KLHL29: variants seen among roughly 807,000 people sequenced by gnomAD.
KLHL29 encodes kelch-like protein 29.
Under a neutral mutation model 80.4 loss-of-function variants are expected in KLHL29, and 21 were observed. The observed-to-expected ratio is 0.26, with a 90% CI of 0.19 to 0.38. The LOEUF is 0.38. KLHL29 is among the 10% of genes least tolerant of loss of function. KLHL29 has a pLI of 1.00. For missense variants in KLHL29, 867 were observed against 1,223.9 expected (o/e 0.71, Z 4.35); for synonymous variants, 511 against 526.8 (o/e 0.97, Z 0.41).
rs150566383 is a variant in KLHL29 at position 23,590,724 on chromosome 2, C to G, written c.285+28243C>G. Among the ~76,000 whole-genome samples, 4 of 152,282 alleles carry G rather than the reference C, an allele frequency of 2.6e-5. No homozygotes were observed. In the East Asian group the frequency reaches 7.7e-4, roughly 29 times the overall value. ...AGGGTCCCTAGCTCCCCTTCTGGAA[C>G]CCAATCCCCTACATGGCCCAGGACC... On this transcript the variant is annotated intron_variant, in intron 3 of 13. Transcript: ENST00000486442.
At chr2:23,635,314 T>C (rs1178290567) in intron 3 of KLHL29, among the ~76,000 whole-genome samples, 4 of 152,206 alleles carry the variant, frequency 2.6e-5, no homozygotes, top group Non-Finnish European at 4.4e-5. Context: ...GAATCTTTCA[T>C]TGCATACCAC....
intron 5 of KLHL29, among the ~76,000 whole-genome samples, chr2:23,657,401 C>T (rs1363193053): frequency 6.6e-6 from 1 of 152,218 alleles, no homozygotes; most frequent in Non-Finnish European, 1.5e-5. Flanking sequence ...TAAGAAAACA[C>T]AGTAGGCAAA....
chr2:23,642,857 C>T lies in KLHL29; in HGVS notation c.940+7C>T. 2 of 1,550,288 alleles carry T rather than the reference C, an allele frequency of 1.3e-6. No homozygotes were observed. Among genetic ancestry groups the T allele is most frequent in the East Asian group, 2.4e-5 (1 of 40,882 alleles). On this transcript the variant is annotated splice_region_variant and intron_variant, in intron 5 of 13. Coordinates refer to ENST00000486442, the MANE Select transcript of KLHL29 (RefSeq NM_052920.2). ...GACCCGGGGCACCCCAGAGGTAAGT[C>T]CTGCTGCCACGTGCCTCCCCACGGG...
At position 23,562,581 on chromosome 2, in the gene KLHL29, C is replaced by A; in HGVS notation, c.285+100C>A. The A allele has an allele frequency of 2.5e-6, 3 of 1,214,850 alleles. No homozygotes were observed. The highest frequency in any genetic ancestry group is 2.7e-5 in the Admixed American group (1 of 36,774). 75.3% of individuals were successfully genotyped at this position (1,214,850 alleles called of 1,614,324 possible). On this transcript the variant is annotated intron_variant, in intron 3 of 13. Coordinates refer to ENST00000486442, the MANE Select transcript of KLHL29 (RefSeq NM_052920.2). This position sits in a 1 kb window ranked among gnomAD's most constrained non-coding sequence, Gnocchi z 4.5. The stretch of plus-strand genomic sequence containing the variant: ...ACAGGCTCCTGTGGGGCAGCCTGTG[C>A]TCCACGCCCCGAGTCCTCCAGAGTC...
At chr2:23,560,532 G>T (rs1444366038) in intron 2 of KLHL29, among the ~76,000 whole-genome samples, 1 of 152,162 alleles carries the variant, frequency 6.6e-6, no homozygotes, top group Non-Finnish European at 1.5e-5. Context: ...GCCTCCCAAA[G>T]TGCTAGGATT....
intron 3 of KLHL29, among the ~76,000 whole-genome samples, chr2:23,605,809 G>A (rs925689268): frequency 1.3e-4 from 20 of 149,910 alleles, no homozygotes; most frequent in South Asian, 4.2e-4. Context: ...TCACTCTGTC[G>A]CCCAGGCTGG....
intron 5 of KLHL29, among the ~76,000 whole-genome samples, chr2:23,654,462 A>G (rs1309186761): frequency 2.6e-5 from 4 of 152,204 alleles, no homozygotes; most frequent in Non-Finnish European, 5.9e-5. Context: ...AATAATTTCT[A>G]TATTTTCAGT....
At chr2:23,528,484 C>T (rs1246499970) in intron 2 of KLHL29, among the ~76,000 whole-genome samples, 1 of 152,178 alleles carries the variant, frequency 6.6e-6, no homozygotes, top group Non-Finnish European at 1.5e-5. Context: ...GTGGACCCTG[C>T]AGCCCTTATA....
At chr2:23,397,295 C>T (rs1308790703) in intron 1 of KLHL29, among the ~76,000 whole-genome samples, 1 of 152,246 alleles carries the variant, frequency 6.6e-6, no homozygotes, top group Non-Finnish European at 1.5e-5. Flanking sequence ...ACAGGCTCTC[C>T]CTCACATCAC....
At chr2:23,395,299 C>T (rs1666422455) in intron 1 of KLHL29, among the ~76,000 whole-genome samples, 1 of 152,166 alleles carries the variant, frequency 6.6e-6, no homozygotes, top group Non-Finnish European at 1.5e-5. Flanking sequence ...TCTGCCTAAC[C>T]ACCTACATTG....
Position 23,387,199 on chromosome 2 carries a change from A to AGCT in KLHL29, c.-154+1428_-154+1430dup, listed in dbSNP as rs1378641375. 2.0e-5 allele frequency among the ~76,000 whole-genome samples: 3 copies of AGCT among 152,158 alleles called. No individual in the cohort carries two copies. The South Asian group carries it at 6.2e-4, about 32-fold the overall frequency. On this transcript the variant is annotated intron_variant, in intron 1 of 13. Transcript: ENST00000486442. ...AGGGACCAGACCGTGGAGGACGCCG[A>AGCT]GCTGCTGCTGCCTGCGAAACTTCCA...
chr2:23,703,881 C>T lies in KLHL29; in HGVS notation c.2444+18C>T. 6.5e-7 allele frequency: 1 copy of T among 1,532,644 alleles called. No individual in the cohort carries two copies. The allele number at this position is 1,532,644 out of a possible 1,614,324, so 94.9% of individuals were successfully genotyped here. A position where few individuals can be genotyped will look rare whatever the true frequency, so the allele number is the denominator to read the frequency against. Reference sequence around the variant, plus strand: ...TTCTGCAGGTGAGAGGCTGCGGCGCCTTGACTAGGGCTGGGACGGAGGAGT... The same window carrying T: ...TTCTGCAGGTGAGAGGCTGCGGCGCTTTGACTAGGGCTGGGACGGAGGAGT... On this transcript the variant is annotated intron_variant, in intron 13 of 13. Coordinates refer to ENST00000486442, the MANE Select transcript of KLHL29 (RefSeq NM_052920.2).
chr2:23,561,837 C>A (rs1174056469), intron 2 of KLHL29, among the ~76,000 whole-genome samples: 1 of 152,012 alleles, frequency 6.6e-6, no homozygotes, highest in Non-Finnish European at 1.5e-5. Context: ...AAAGTCCCAT[C>A]CATAATTAAA....
At chr2:23,584,556 G>A (rs1462667305) in intron 3 of KLHL29, among the ~76,000 whole-genome samples, 4 of 152,278 alleles carry the variant, frequency 2.6e-5, no homozygotes, top group South Asian at 2.1e-4. Context: ...AGCTCATCAC[G>A]TCCCTCCAAG....
chr2:23,629,840 G>A (rs1479231272), intron 3 of KLHL29, among the ~76,000 whole-genome samples: 2 of 152,120 alleles, frequency 1.3e-5, no homozygotes, highest in Admixed American at 6.5e-5. Flanking sequence ...AAGAAGACAG[G>A]GCCCCAACAA....
chr2:23,702,845 C>G (rs183783305), intron 11 of KLHL29, among the ~76,000 whole-genome samples: 1 of 152,234 alleles, frequency 6.6e-6, no homozygotes, highest in Non-Finnish European at 1.5e-5. Context: ...AAAGCAAATG[C>G]TCAGTCCAGC....
At chr2:23,475,281 C>T (rs888617350) in intron 1 of KLHL29, among the ~76,000 whole-genome samples, 2 of 147,372 alleles carry the variant, frequency 1.4e-5, no homozygotes, top group African/African-American at 2.5e-5. Flanking sequence ...GGAGGATGGG[C>T]GGGGGATGCC....
intron 13 of KLHL29, among the ~76,000 whole-genome samples, chr2:23,704,645 T>C (rs1672602609): frequency 6.6e-6 from 1 of 152,144 alleles, no homozygotes; most frequent in East Asian, 1.9e-4. Context: ...CATGTGCCTG[T>C]AATCCCAGCT....
chr2:23,690,702 A>G (rs1181407297), intron 6 of KLHL29: 1 of 152,222 alleles, frequency 6.6e-6, no homozygotes, highest in Non-Finnish European at 1.5e-5. Context: ...CTAACGCGGC[A>G]GGTGTTTTTA....
Sources: gnomAD v4.1 joint callset for allele counts (sites outside exome capture counted in the v4.1 genomes callset) on GRCh38, gnomAD v4.1.1 for gene constraint, Gnocchi (gnomAD v3.1) non-coding constraint, MANE v1.5 for transcripts, NCBI Gene and HGNC (gene_info 2026-07-23, HGNC 2026-07-21) for gene names.